Variants in CYS1 observed in about 807,000 individuals in gnomAD.
CYS1 encodes the protein cystin 1, also known as cystin-1.
Under a neutral mutation model 9.6 loss-of-function variants are expected in CYS1, and 5 were observed. The ratio of observed to expected loss-of-function variants is 0.52; its 90% CI spans 0.27 to 1.10. The LOEUF (loss-of-function observed/expected upper bound fraction) is 1.10, where lower values mean the gene tolerates loss of function less well. Ranked by LOEUF, CYS1 falls within the 50% of genes least tolerant of loss-of-function variation. The pLI, the probability that CYS1 is intolerant of heterozygous loss-of-function variation, is 0.11. For synonymous variants in CYS1, 88 were observed against 95.7 expected (o/e 0.92, Z 0.47); for missense variants, 221 against 207.9 (o/e 1.06, Z -0.39).
At chr2:10,067,404 TTC>T (rs1046206626) in intron 1 of CYS1, among the ~76,000 whole-genome samples, 6 of 127,204 alleles carry the variant, frequency 4.7e-5, no homozygotes, top group Non-Finnish European at 9.8e-5. Flanking sequence ...AAAAATTCTT[TTC>T]TTTTTTTTTT....
chr2:10,080,046 G>A lies in CYS1; in HGVS notation c.178C>T (p.Pro60Ser), dbSNP rs1192546538. The change falls in exon 1 of 3, where the codon CCC becomes TCC. Residue 60 changes from proline to serine, a missense_variant. Transcript: ENST00000381813. This position sits in a 1 kb window ranked among gnomAD's most constrained non-coding sequence, Gnocchi z 6.4. The stretch of plus-strand genomic sequence containing the variant: ...TCCCTGCCGTCGGGGGGCGCCACGG[G>A]GCTGGGGTCGCGGCCGGGCGCCTCC... ...AEEAPGRDPS[P>S]VAPPDGRDET... 2.9e-6 allele frequency: 3 copies of A among 1,052,556 alleles called. No individual in the cohort carries two copies. Among genetic ancestry groups the A allele is most frequent in the Non-Finnish European group, 3.4e-6 (3 of 874,900 alleles). The allele number at this position is 1,052,556 out of a possible 1,614,324, so 65.2% of individuals were successfully genotyped here. A position where few individuals can be genotyped will look rare whatever the true frequency, so the allele number is the denominator to read the frequency against.
chr2:10,059,077 T>TGCCCTGGGACACCCTGTGGC lies in CYS1; in HGVS notation c.372-139_372-120dup, dbSNP rs1218055465. 6.6e-6 allele frequency: 6 copies of TGCCCTGGGACACCCTGTGGC among 911,250 alleles called. No homozygotes were observed. The African/African-American group carries it at 8.2e-5, about 12-fold the overall frequency. 56.4% of individuals were successfully genotyped at this position (911,250 alleles called of 1,614,324 possible). A position where few individuals can be genotyped will look rare whatever the true frequency, so the allele number is the denominator to read the frequency against. On this transcript the variant is annotated intron_variant, in intron 2 of 2. Coordinates refer to ENST00000381813, the MANE Select transcript of CYS1 (RefSeq NM_001037160.3). ...ATCCTGAAACCCAAACCGAAGTCTT[T>TGCCCTGGGACACCCTGTGGC]GCCCTGGGACACCCTGTGGCGCTCT...
chr2:10,065,715 G>C (rs1291449385), intron 2 of CYS1, among the ~76,000 whole-genome samples, 189 bp downstream of exon 2: 1 of 152,236 alleles, frequency 6.6e-6, no homozygotes, highest in Non-Finnish European at 1.5e-5. Flanking sequence ...CGGTGAGATG[G>C]TTAGCCTTCT....
chr2:10,065,484 G>A (rs58693360), intron 2 of CYS1, among the ~76,000 whole-genome samples: 3,759 of 152,324 alleles, frequency 0.025, 144 homozygotes, highest in African/African-American at 0.085. Context: ...AGGGTGTTCA[G>A]CGTGGTTCCC....
At chr2:10,060,728 A>C in intron 2 of CYS1, among the ~76,000 whole-genome samples, 1 of 152,260 alleles carries the variant, frequency 6.6e-6, no homozygotes, top group Non-Finnish European at 1.5e-5. Flanking sequence ...GGAGCCAGGC[A>C]GATCTCACCT....
At position 10,073,818 on chromosome 2, in the gene CYS1, C is replaced by T. The variant is rs531157941; in HGVS notation, c.318+6088G>A. Among the ~76,000 whole-genome samples, 12 of 152,228 alleles carry T rather than the reference C, an allele frequency of 7.9e-5. No individual in the cohort carries two copies. In the South Asian group the frequency reaches 2.3e-3, roughly 29 times the overall value. On this transcript the variant is annotated intron_variant, in intron 1 of 2. Coordinates refer to ENST00000381813, the MANE Select transcript of CYS1 (RefSeq NM_001037160.3). The stretch of plus-strand genomic sequence containing the variant: ...TTTCCACGGCATTTCTACACCCTGC[C>T]GTGCCCAGTACTCAGCAGCAGCCAC...
Position 10,057,089 on chromosome 2 carries a change from A to C in CYS1, c.*1764T>G, listed in dbSNP as rs185262751. The stretch of plus-strand genomic sequence containing the variant: ...AGAGGTATCATCTTTCTTGGAAACC[A>C]ATTGAAAGCGTCCCATTTTAACAAA... On this transcript the variant is annotated 3_prime_UTR_variant, in exon 3 of 3. Transcript: ENST00000381813. 2 of 152,378 alleles carry C rather than the reference A, an allele frequency of 1.3e-5. No homozygotes were observed. Among genetic ancestry groups the C allele is most frequent in the African/African-American group, 4.8e-5 (2 of 41,588 alleles). 9.4% of individuals were successfully genotyped at this position (152,378 alleles called of 1,614,324 possible).
At chr2:10,069,018 C>T (rs1189840913) in intron 1 of CYS1, among the ~76,000 whole-genome samples, 1 of 151,732 alleles carries the variant, frequency 6.6e-6, no homozygotes, top group African/African-American at 2.4e-5. Flanking sequence ...GCTGAGACTG[C>T]ACCACTGCAC....
At chr2:10,066,009 G>A in intron 1 of CYS1, 53 bp from the exon 2 acceptor site, 2 of 1,595,784 alleles carry the variant, frequency 1.3e-6, no homozygotes, top group Non-Finnish European at 1.7e-6. Flanking sequence ...AGTGCAGCCT[G>A]CCTAAGGCTT....
At position 10,079,779 on chromosome 2, in the gene CYS1, G is replaced by C. The variant is rs975389045; in HGVS notation, c.318+127C>G. On this transcript the variant is annotated intron_variant, in intron 1 of 2. Coordinates refer to ENST00000381813, the MANE Select transcript of CYS1 (RefSeq NM_001037160.3). ...CCAGGGGCGGGGAGGCCGGGGCAGCGGGGAGCACGCAAGTCGGAGGCTGGA... is the reference window on the plus strand; with the variant it reads ...CCAGGGGCGGGGAGGCCGGGGCAGCCGGGAGCACGCAAGTCGGAGGCTGGA... 2.4e-4 allele frequency: 118 copies of C among 497,566 alleles called. No homozygotes were observed. In the East Asian group the frequency reaches 8.4e-3, roughly 36 times the overall value. The allele number at this position is 497,566 out of a possible 1,614,324, so 30.8% of individuals were successfully genotyped here.
intron 1 of CYS1, among the ~76,000 whole-genome samples, chr2:10,069,349 A>C (rs1206337265): frequency 6.6e-6 from 1 of 152,144 alleles, no homozygotes; most frequent in African/African-American, 2.4e-5. Flanking sequence ...GGAGGAAAAA[A>C]AATTAATTAT....
intron 1 of CYS1, among the ~76,000 whole-genome samples, chr2:10,067,954 A>C (rs906883650): frequency 1.4e-4 from 22 of 152,294 alleles, no homozygotes; most frequent in Middle Eastern, 3.4e-3. Flanking sequence ...CCTTTATTGA[A>C]AGAAAAAGTT....
intron 1 of CYS1, among the ~76,000 whole-genome samples, chr2:10,066,228 T>C (rs1024962160): frequency 1.3e-5 from 2 of 152,176 alleles, no homozygotes; most frequent in African/African-American, 2.4e-5. Flanking sequence ...CGGCCACCCA[T>C]GTGAGGGTTG....
At position 10,064,755 on chromosome 2, in the gene CYS1, TCACCCAGG is replaced by T. The variant is rs1558357748; in HGVS notation, c.371+1141_371+1148del. Among the ~76,000 whole-genome samples, 17 of 152,150 alleles carry T rather than the reference TCACCCAGG, an allele frequency of 1.1e-4. No individual in the cohort carries two copies. The South Asian group carries it at 3.3e-3, about 30-fold the overall frequency. The stretch of plus-strand genomic sequence containing the variant: ...TTTTCTGAGACAGAGTCTCCCTCTG[TCACCCAGG>T]CTGGAGTGAAGTGGCGCGATCTTGG... On this transcript the variant is annotated intron_variant, in intron 2 of 2. Coordinates refer to ENST00000381813, the MANE Select transcript of CYS1 (RefSeq NM_001037160.3).
chr2:10,069,127 G>A (rs898568900), intron 1 of CYS1, among the ~76,000 whole-genome samples: 3 of 152,006 alleles, frequency 2.0e-5, no homozygotes, highest in African/African-American at 7.2e-5. Flanking sequence ...AGCAGGCGGA[G>A]ACAGGCCACC....
At chr2:10,059,912 C>T (rs1290300730) in intron 2 of CYS1, among the ~76,000 whole-genome samples, 2 of 152,352 alleles carry the variant, frequency 1.3e-5, no homozygotes, top group Non-Finnish European at 2.9e-5. Flanking sequence ...AAAGCGGCTG[C>T]GCCAGCCTGG....
At position 10,076,967 on chromosome 2, in the gene CYS1, ATAC is replaced by A. The variant is rs1368213914; in HGVS notation, c.318+2936_318+2938del. Among the ~76,000 whole-genome samples, 1 of 152,162 alleles carries A rather than the reference ATAC, an allele frequency of 6.6e-6. No homozygotes were observed. The highest frequency in any genetic ancestry group is 1.5e-5 in the Non-Finnish European group (1 of 68,032). ...GTCTGACAGGCATCTCAAATTTAAC[ATAC>A]TGAAAACCAACTTCCTGGTTAATGA... is the stretch of plus-strand genomic sequence containing the variant. On this transcript the variant is annotated intron_variant, in intron 1 of 2. Transcript: ENST00000381813. The surrounding 1 kb of genome is among the most constrained non-coding windows in gnomAD (Gnocchi z 4.3).
chr2:10,074,277 G>A (rs1251795631), intron 1 of CYS1, among the ~76,000 whole-genome samples: 1 of 152,200 alleles, frequency 6.6e-6, no homozygotes, highest in Non-Finnish European at 1.5e-5. Flanking sequence ...ACAAAACTAG[G>A]CCCATCCTGT....
At chr2:10,072,603 T>C (rs997714347) in intron 1 of CYS1, among the ~76,000 whole-genome samples, 8 of 152,244 alleles carry the variant, frequency 5.3e-5, no homozygotes, top group African/African-American at 1.7e-4. Context: ...CTTTCAGAAT[T>C]ATCCTTCTTT....
Sources: allele counts gnomAD v4.1 joint callset (sites outside exome capture counted in the v4.1 genomes callset), GRCh38; gene constraint gnomAD v4.1.1; non-coding constraint Gnocchi (gnomAD v3.1); transcripts MANE v1.5; gene names NCBI Gene and HGNC (gene_info 2026-07-23, HGNC 2026-07-21).